Variants in RHAG observed in about 807,000 individuals in gnomAD.
RHAG encodes Rh associated glycoprotein.
A neutral mutation model predicts 42.4 loss-of-function variants in RHAG; 25 were observed. That is an observed-to-expected ratio of 0.59 (90% CI 0.43 to 0.82). RHAG has a LOEUF of 0.82. Ranked by LOEUF, RHAG falls within the 40% of genes least tolerant of loss-of-function variation. RHAG has a pLI of 0.00. For synonymous variants in RHAG, 182 were observed against 177.7 expected (o/e 1.02, Z -0.19); for missense variants, 483 against 504.6 (o/e 0.96, Z 0.41).
rs1762685879 is a variant in RHAG, at chr6:49,618,158, T to C, written c.402A>G (p.Gly134=). 5 of 1,614,188 alleles carry C rather than the reference T, an allele frequency of 3.1e-6. No homozygotes were observed. The highest frequency in any genetic ancestry group is 4.2e-6 in the Non-Finnish European group (5 of 1,180,020). ...TVLISFGAVL[G]KTSPTQMLIM... ...TCAGCATTTGGGTGGGGCTCGTTTT[T>C]CCCAGGACAGCTCCAAAAGATATCA... is the stretch of plus-strand genomic sequence containing the variant. The change falls in exon 3 of 10, where the codon GGA becomes GGG. Residue 134 remains glycine, a synonymous_variant. Transcript: ENST00000371175.
At chr6:49,625,999 G>A (rs114652418) in intron 1 of RHAG, among the ~76,000 whole-genome samples, 1,575 of 152,110 alleles carry the variant, frequency 0.01, 33 homozygotes, top group African/African-American at 0.035. Context: ...AGTGGCCCCC[G>A]TGTTTCAATT....
rs771590854 is a variant in RHAG at position 49,615,760 on chromosome 6, A to C, written c.504T>G (p.Ile168Met). 3.8e-5 allele frequency: 62 copies of C among 1,614,146 alleles called. No homozygotes were observed. Among genetic ancestry groups the C allele is most frequent in the Non-Finnish European group, 5.3e-5 (62 of 1,180,012 alleles). The part of the protein sequence containing the change: ...LVSEIFKASD[I>M]GASMTIHAFG... ...AGGCATGGATCGTCATTGATGCTCCAATGTCAGAGGCCTGAGGGACAAAAT... is the reference window on the plus strand; with the variant it reads ...AGGCATGGATCGTCATTGATGCTCCCATGTCAGAGGCCTGAGGGACAAAAT... The change falls in exon 4 of 10, where the codon ATT (isoleucine) becomes ATG (methionine). Residue 168 changes from isoleucine (I) to methionine (M), a missense_variant. Ile to Met is a conservative substitution (Grantham distance 10). Transcript: ENST00000371175.
chr6:49,623,417 G>T (rs1001107622), intron 1 of RHAG, among the ~76,000 whole-genome samples: 1 of 152,162 alleles, frequency 6.6e-6, no homozygotes, highest in African/African-American at 2.4e-5. Flanking sequence ...CAGGGAGAGG[G>T]CCACAACTAT....
At chr6:49,618,046 G>T in intron 3 of RHAG, 22 bp downstream of exon 3, 7 of 1,610,036 alleles carry the variant, frequency 4.3e-6, no homozygotes, top group Non-Finnish European at 5.9e-6. Context: ...AGCTAGGAAA[G>T]TATAAATTTT....
In RHAG at chr6:49,620,827, G is replaced by A. The variant is rs181206575; in HGVS notation, c.158-1465C>T. ...ATTACAGGTGTGACCCACCATGCCC[G>A]GCCCCATAGTCTCTTTTAAATTAAA... On this transcript the variant is annotated intron_variant, in intron 1 of 9. Transcript: ENST00000371175. Among the ~76,000 whole-genome samples the A allele has an allele frequency of 1.4e-3, 218 of 152,204 alleles. 3 individuals are homozygous for A. Among genetic ancestry groups the A allele is most frequent in the Non-Finnish European group, 6.9e-4 (47 of 68,012 alleles).
At position 49,611,900 on chromosome 6, in the gene RHAG, C is replaced by G. The variant is rs534444731; in HGVS notation, c.945+497G>C. On this transcript the variant is annotated intron_variant, in intron 6 of 9. Transcript: ENST00000371175. ...AGGATTACAGGTACCCGCCACCATG[C>G]CCGGCTAATTTTTGTATTTTTTTTT... 1.3e-5 allele frequency among the ~76,000 whole-genome samples: 2 copies of G among 151,558 alleles called. 1 individual carries two copies. Among genetic ancestry groups the G allele is most frequent in the South Asian group, 4.2e-4 (2 of 4,728 alleles).
chr6:49,636,669 A>C lies in RHAG; in HGVS notation c.144T>G (p.Phe48Leu), dbSNP rs774883738. Residue 48 changes from phenylalanine (F) to leucine (L), a missense_variant, in exon 1 of 10, where the codon TTT becomes TTG. Coordinates refer to ENST00000371175, the MANE Select transcript of RHAG (RefSeq NM_000324.3). ...ITKPTDMGIF[F>L]ELYPLFQDVH... ...TTGCCTACTCACGAGGATATAACTC[A>C]AAGAATATGCCCATGTCTGTTGGCT... 1.2e-6 allele frequency: 2 copies of C among 1,613,800 alleles called. No individual in the cohort carries two copies. Among genetic ancestry groups the C allele is most frequent in the Admixed American group, 3.3e-5 (2 of 59,998 alleles).
At chr6:49,627,753 T>C (rs1762863957) in intron 1 of RHAG, among the ~76,000 whole-genome samples, 2 of 152,148 alleles carry the variant, frequency 1.3e-5, no homozygotes, top group African/African-American at 2.4e-5. Flanking sequence ...TCTTACATAG[T>C]GGCAGGTGAG....
intron 1 of RHAG, among the ~76,000 whole-genome samples, chr6:49,635,956 G>T (rs1320505139): frequency 6.6e-6 from 1 of 152,010 alleles, no homozygotes; most frequent in Non-Finnish European, 1.5e-5. Context: ...GGATGTGTTG[G>T]TTTATAATAA....
At chr6:49,621,694 T>C (rs1172839002) in intron 1 of RHAG, among the ~76,000 whole-genome samples, 1 of 152,226 alleles carries the variant, frequency 6.6e-6, no homozygotes, top group Non-Finnish European at 1.5e-5. Context: ...TGTAAAAATT[T>C]GATCTAGATC....
chr6:49,631,563 G>T (rs1282955060), intron 1 of RHAG, among the ~76,000 whole-genome samples: 1 of 152,118 alleles, frequency 6.6e-6, no homozygotes, highest in Non-Finnish European at 1.5e-5. Context: ...ATTCAAGCAG[G>T]ATCCTGTGTC....
chr6:49,605,678 T>C lies in RHAG; in HGVS notation c.*135A>G. ...GATCTATTCACTCTGGTCCATACTC[T>C]CTTTGGTTACTCCCTTTTTGTTTAT... On this transcript the variant is annotated 3_prime_UTR_variant, in exon 10 of 10. Coordinates refer to ENST00000371175, the MANE Select transcript of RHAG (RefSeq NM_000324.3). 1.2e-6 allele frequency: 1 copy of C among 855,716 alleles called. No individual in the cohort carries two copies. The highest frequency in any genetic ancestry group is 2.0e-6 in the Non-Finnish European group (1 of 492,362). The allele number at this position is 855,716 out of a possible 1,614,324, so 53.0% of individuals were successfully genotyped here.
Position 49,619,264 on chromosome 6 carries a change from C to T in RHAG, c.256G>A (p.Val86Ile), listed in dbSNP as rs139053593. 1.8e-4 allele frequency: 293 copies of T among 1,614,082 alleles called. 3 individuals are homozygous for T. Among genetic ancestry groups the T allele is most frequent in the South Asian group, 1.7e-3 (152 of 91,080 alleles). Reference sequence around the variant, plus strand: ...CCCCACTGGAGGCCCAAAGCAGCAACGAGTAGGTTGATACCCACACTGCTG... The same window carrying T: ...CCCCACTGGAGGCCCAAAGCAGCAATGAGTAGGTTGATACCCACACTGCTG... ...GFSSVGINLL[V>I]AALGLQWGTI... The change falls in exon 2 of 10, where the codon GTT (valine) becomes ATT (isoleucine). Residue 86 changes from valine (V) to isoleucine (I), a missense_variant. Physicochemically the swap from Val to Ile is conservative, Grantham distance 29. Transcript: ENST00000371175.
chr6:49,619,840 C>T (rs1762723848), intron 1 of RHAG, among the ~76,000 whole-genome samples: 1 of 152,100 alleles, frequency 6.6e-6, no homozygotes, highest in South Asian at 2.1e-4. Context: ...ATAAGGTGTC[C>T]ATCTCCTGCA....
chr6:49,620,560 GAGA>G (rs1222817187), intron 1 of RHAG, among the ~76,000 whole-genome samples: 3 of 152,044 alleles, frequency 2.0e-5, no homozygotes, highest in African/African-American at 7.2e-5. Flanking sequence ...GAGACAGAGC[GAGA>G]CTCTGTCTCC....
At chr6:49,625,724 C>G (rs1019676780) in intron 1 of RHAG, among the ~76,000 whole-genome samples, 4 of 152,138 alleles carry the variant, frequency 2.6e-5, no homozygotes, top group Non-Finnish European at 5.9e-5. Flanking sequence ...AATAGGATAT[C>G]TTGCAAGCCC....
At chr6:49,619,075 C>A in intron 2 of RHAG, 104 bp downstream of exon 2, 1 of 1,304,242 alleles carries the variant, frequency 7.7e-7, no homozygotes, top group African/African-American at 1.5e-5. Context: ...GACCTGGTCA[C>A]CTCCCCAGTC....
chr6:49,635,594 T>C (rs888783736), intron 1 of RHAG, among the ~76,000 whole-genome samples: 1 of 152,138 alleles, frequency 6.6e-6, no homozygotes, highest in Non-Finnish European at 1.5e-5. Flanking sequence ...CAGACATCTA[T>C]GCAGTGTAAA....
At chr6:49,610,600 T>A (rs1002477588) in intron 7 of RHAG, among the ~76,000 whole-genome samples, 1 of 152,204 alleles carries the variant, frequency 6.6e-6, no homozygotes, top group African/African-American at 2.4e-5. Context: ...GTGTTGTTGA[T>A]TCTGCAGAAC....
Sources: gnomAD v4.1 joint callset for allele counts (sites outside exome capture counted in the v4.1 genomes callset) on GRCh38, gnomAD v4.1.1 for gene constraint, MANE v1.5 for transcripts, NCBI Gene and HGNC (gene_info 2026-07-23, HGNC 2026-07-21) for gene names.